Variants in SLC12A1 observed in about 807,000 individuals in gnomAD.
The protein encoded by SLC12A1 is solute carrier family 12 member 1, also known as Na-K-2Cl cotransporter.
In SLC12A1, 89 loss-of-function variants were observed where a neutral mutation model predicts 130.4. That is an observed-to-expected ratio of 0.68 (90% CI 0.58 to 0.81). The LOEUF (loss-of-function observed/expected upper bound fraction) is 0.81. SLC12A1 is among the 40% of genes least tolerant of loss of function. The pLI is 0.00. For synonymous variants in SLC12A1, 499 were observed against 460.0 expected (o/e 1.08, Z -1.09); for missense variants, 1,310 against 1,336.4 (o/e 0.98, Z 0.31).
chr15:48,251,599 C>T lies in SLC12A1; in HGVS notation c.1787-16C>T. On this transcript the variant is annotated splice_polypyrimidine_tract_variant and intron_variant, in intron 14 of 26. Coordinates refer to ENST00000380993, the MANE Select transcript of SLC12A1 (RefSeq NM_000338.3). ...TAGTAGAGTGGAAGTTTTCCTTCTG[C>T]ATATTTTGTTTTCAGGATGGAGACC... 6.2e-7 allele frequency: 1 copy of T among 1,606,678 alleles called. No individual in the cohort carries two copies. Among genetic ancestry groups the T allele is most frequent in the Admixed American group, 1.7e-5 (1 of 59,990 alleles).
Position 48,247,381 on chromosome 15 carries a change from A to C in SLC12A1, c.1605A>C (p.Ala535=), listed in dbSNP as rs368952384. 6.2e-6 allele frequency: 10 copies of C among 1,613,174 alleles called. No individual in the cohort carries two copies. In the African/African-American group the frequency reaches 1.1e-4, roughly 17 times the overall value. ...TCTACAAAGCCCTGCAGTTTTTTGCAAAGGGATATGGGAAAAACAATGAAC... is the reference window on the plus strand; with the variant it reads ...TCTACAAAGCCCTGCAGTTTTTTGCCAAGGGATATGGGAAAAACAATGAAC... ...DNIYKALQFF[A]KGYGKNNEPL... Residue 535 remains alanine, a synonymous_variant, in exon 13 of 27, where the codon GCA becomes GCC. Transcript: ENST00000380993.
At chr15:48,253,226 G>T (rs1216711675) in intron 15 of SLC12A1, among the ~76,000 whole-genome samples, 1 of 152,122 alleles carries the variant, frequency 6.6e-6, no homozygotes, top group Non-Finnish European at 1.5e-5. Context: ...GCAAAATTCA[G>T]CCCTTTTAAA....
chr15:48,219,827 C>A (rs1043321089), intron 2 of SLC12A1, among the ~76,000 whole-genome samples: 6 of 151,972 alleles, frequency 3.9e-5, no homozygotes, highest in African/African-American at 9.6e-5. Flanking sequence ...CCGAGGCAGG[C>A]GGATTGCCTG....
At chr15:48,227,040 A>C in intron 5 of SLC12A1, 2 of 1,387,278 alleles carry the variant, frequency 1.4e-6, no homozygotes, top group Non-Finnish European at 2.0e-6. Context: ...GACTTCTCTC[A>C]GTACTGGAAC....
At chr15:48,223,121 G>C (rs924130467) in intron 4 of SLC12A1, 9 of 152,152 alleles carry the variant, frequency 5.9e-5, no homozygotes, top group Non-Finnish European at 1.3e-4. Flanking sequence ...AAATATTAAG[G>C]AGCAGGTTAA....
chr15:48,262,495 G>T (rs1233533944), intron 17 of SLC12A1, among the ~76,000 whole-genome samples: 1 of 152,020 alleles, frequency 6.6e-6, no homozygotes, highest in South Asian at 2.1e-4. Flanking sequence ...CCAAGCACCC[G>T]CTGTGGCCTT....
Position 48,274,270 on chromosome 15 carries a change from A to G in SLC12A1, c.2403-301A>G, listed in dbSNP as rs576423420. 2.6e-5 allele frequency among the ~76,000 whole-genome samples: 4 copies of G among 152,330 alleles called. No individual in the cohort carries two copies. In the East Asian group the frequency reaches 7.7e-4, roughly 29 times the overall value. Reference sequence around the variant, plus strand: ...TACCAGTGATTGTTTTGCTCACTGTATAAAAGATTCGATTATTTTTAAAAG... The same window carrying G: ...TACCAGTGATTGTTTTGCTCACTGTGTAAAAGATTCGATTATTTTTAAAAG... On this transcript the variant is annotated intron_variant, in intron 19 of 26. Transcript: ENST00000380993.
At chr15:48,299,630 A>G (rs1566861730) in intron 25 of SLC12A1, among the ~76,000 whole-genome samples, 2 of 152,256 alleles carry the variant, frequency 1.3e-5, no homozygotes. Flanking sequence ...TTGACTCACA[A>G]TTTAACACAA....
At chr15:48,262,378 C>G (rs1045713621) in intron 17 of SLC12A1, among the ~76,000 whole-genome samples, 3 of 152,088 alleles carry the variant, frequency 2.0e-5, no homozygotes, top group African/African-American at 7.3e-5. Context: ...TGTGTGGCCA[C>G]AGCTGTCATT....
chr15:48,247,518 G>A, intron 13 of SLC12A1, 58 bp downstream of exon 13: 1 of 1,328,288 alleles, frequency 7.5e-7, no homozygotes, highest in Non-Finnish European at 1.0e-6. Flanking sequence ...ATTATTCATA[G>A]GGCTTTCCTT....
At chr15:48,250,148 C>A (rs928023437) in intron 14 of SLC12A1, among the ~76,000 whole-genome samples, 1 of 152,138 alleles carries the variant, frequency 6.6e-6, no homozygotes, top group Non-Finnish European at 1.5e-5. Context: ...ATCAGTGCAC[C>A]CTTTGGGCTG....
chr15:48,274,576 C>T lies in SLC12A1; in HGVS notation c.2408C>T (p.Ala803Val). ...IENYVGIIHD[A>V]FDFEIGVVIV... The stretch of plus-strand genomic sequence containing the variant: ...TGCTTTGCTTCCTCTTTCAGTGATG[C>T]ATTTGATTTTGAGATTGGCGTGGTT... The change falls in exon 20 of 27, where the codon GCA becomes GTA. Residue 803 changes from alanine to valine, a missense_variant. Coordinates refer to ENST00000380993, the MANE Select transcript of SLC12A1 (RefSeq NM_000338.3). The T allele has an allele frequency of 1.2e-6, 2 of 1,610,928 alleles. No individual in the cohort carries two copies. Among genetic ancestry groups the T allele is most frequent in the Non-Finnish European group, 1.7e-6 (2 of 1,177,916 alleles).
At chr15:48,257,387 G>A (rs2041719960) in intron 16 of SLC12A1, among the ~76,000 whole-genome samples, 2 of 152,188 alleles carry the variant, frequency 1.3e-5, no homozygotes, top group Admixed American at 1.3e-4. Flanking sequence ...CCCCAGTGGG[G>A]AGTCTGTCTG....
At chr15:48,255,605 C>T (rs2041698330) in intron 15 of SLC12A1, among the ~76,000 whole-genome samples, 1 of 152,196 alleles carries the variant, frequency 6.6e-6, no homozygotes, top group East Asian at 1.9e-4. Context: ...GGAATGAAGC[C>T]TTAGCTTCTG....
At chr15:48,292,930 T>C (rs1375315374) in intron 24 of SLC12A1, among the ~76,000 whole-genome samples, 2 of 152,216 alleles carry the variant, frequency 1.3e-5, no homozygotes, top group African/African-American at 2.4e-5. Flanking sequence ...GTGGGGTTTT[T>C]TTTGAGACAG....
chr15:48,226,055 G>T (rs907365991), intron 4 of SLC12A1: 4 of 233,780 alleles, frequency 1.7e-5, no homozygotes, highest in African/African-American at 2.3e-5. Flanking sequence ...ATGCAAGTTG[G>T]TTTCTTTTCC....
chr15:48,219,847 G>C (rs2141016391), intron 2 of SLC12A1, among the ~76,000 whole-genome samples: 1 of 152,086 alleles, frequency 6.6e-6, no homozygotes, highest in South Asian at 2.1e-4. Context: ...GGGCTCAGGA[G>C]CTCGAGACCA....
intron 2 of SLC12A1, among the ~76,000 whole-genome samples, chr15:48,212,883 C>T (rs938504): frequency 0.97 from 148,246 of 152,322 alleles, 72,249 homozygotes; most frequent in Middle Eastern, 1. Flanking sequence ...ACAAATAATT[C>T]GTAAATAAAA....
chr15:48,259,410 G>A, intron 17 of SLC12A1, 99 bp downstream of exon 17: 21 of 842,874 alleles, frequency 2.5e-5, no homozygotes, highest in Admixed American at 8.9e-5. Context: ...CAGGAAAATA[G>A]CAAAAAAACA....
Sources: gnomAD v4.1 joint callset for allele counts (sites outside exome capture counted in the v4.1 genomes callset) on GRCh38, gnomAD v4.1.1 for gene constraint, MANE v1.5 for transcripts, NCBI Gene and HGNC (gene_info 2026-07-23, HGNC 2026-07-21) for gene names.